Variants in CCSER1 observed in about 807,000 individuals in gnomAD.
CCSER1 encodes serine-rich coiled-coil domain-containing protein 1.
A neutral mutation model predicts 82.0 loss-of-function variants in CCSER1; 41 were observed. That is an observed-to-expected ratio of 0.50 (90% CI 0.39 to 0.65). The LOEUF (loss-of-function observed/expected upper bound fraction) is 0.65. Ranked by LOEUF, CCSER1 falls within the 30% of genes least tolerant of loss-of-function variation. CCSER1 has a pLI of 0.00. For synonymous variants in CCSER1, 414 were observed against 383.9 expected, an observed-to-expected ratio of 1.08 and a Z score of -0.92; for missense variants, 1,119 against 1,064.2, an observed-to-expected ratio of 1.05 and a Z score of -0.72.
At chr4:90,405,487 A>C (rs758778708) in intron 4 of CCSER1, among the ~76,000 whole-genome samples, 1 of 152,198 alleles carries the variant, frequency 6.6e-6, no homozygotes, top group Non-Finnish European at 1.5e-5. Context: ...AGACCTATAC[A>C]TCTAAATTCA....
At chr4:90,941,329 A>G (rs1731554140) in intron 9 of CCSER1, among the ~76,000 whole-genome samples, 1 of 152,064 alleles carries the variant, frequency 6.6e-6, no homozygotes, top group African/African-American at 2.4e-5. Context: ...ACATATAGCT[A>G]TGTTTTAAAT....
At chr4:90,956,776 T>C (rs1254468398) in intron 9 of CCSER1, among the ~76,000 whole-genome samples, 2 of 151,468 alleles carry the variant, frequency 1.3e-5, no homozygotes, top group Non-Finnish European at 2.9e-5. Context: ...CTTTTTTTTT[T>C]TTTTTTCTTT....
chr4:90,947,346 C>A (rs1158545193), intron 9 of CCSER1, among the ~76,000 whole-genome samples: 1 of 152,072 alleles, frequency 6.6e-6, no homozygotes, highest in Non-Finnish European at 1.5e-5. Context: ...TCATGTTTTT[C>A]AGAAAAATGT....
intron 7 of CCSER1, among the ~76,000 whole-genome samples, chr4:90,741,401 G>A (rs1580246862): frequency 6.6e-6 from 1 of 152,090 alleles, no homozygotes; most frequent in Non-Finnish European, 1.5e-5. Flanking sequence ...AACACCTGTT[G>A]CTCTCAATAA....
chr4:90,941,459 A>G (rs950014446), intron 9 of CCSER1, among the ~76,000 whole-genome samples: 2 of 152,102 alleles, frequency 1.3e-5, no homozygotes, highest in African/African-American at 2.4e-5. Context: ...TCCAAATTGT[A>G]TCATTTTCCT....
intron 5 of CCSER1, among the ~76,000 whole-genome samples, chr4:90,500,120 A>G (rs766450512): frequency 3.9e-5 from 6 of 152,052 alleles, no homozygotes; most frequent in Non-Finnish European, 8.8e-5. Flanking sequence ...TGAAGGGCAT[A>G]TTATTCTTTT....
intron 7 of CCSER1, among the ~76,000 whole-genome samples, chr4:90,786,296 A>G (rs1754511042): frequency 6.6e-6 from 1 of 152,228 alleles, no homozygotes; most frequent in African/African-American, 2.4e-5. Context: ...TGTTCAAGAT[A>G]TACAAATGAA....
intron 5 of CCSER1, among the ~76,000 whole-genome samples, chr4:90,487,632 T>C (rs1198735762): frequency 1.3e-5 from 2 of 152,190 alleles, no homozygotes; most frequent in African/African-American, 2.4e-5. Context: ...AATGAATATT[T>C]AATCTAGTGT....
At chr4:91,487,635 A>G (rs1387646123) in intron 10 of CCSER1, among the ~76,000 whole-genome samples, 1 of 152,138 alleles carries the variant, frequency 6.6e-6, no homozygotes, top group Non-Finnish European at 1.5e-5. Flanking sequence ...AGAGCCATAT[A>G]GTTGCTTAAT....
At chr4:90,309,643 A>C in intron 2 of CCSER1, 35 bp downstream of exon 2, 1 of 1,454,806 alleles carries the variant, frequency 6.9e-7, no homozygotes, top group Non-Finnish European at 9.2e-7. Context: ...AAATGATATG[A>C]ATTAATTTTC....
At chr4:90,817,079 T>C (rs1338322929) in intron 8 of CCSER1, among the ~76,000 whole-genome samples, 2 of 152,142 alleles carry the variant, frequency 1.3e-5, no homozygotes, top group East Asian at 3.8e-4. Context: ...AAGTAACATA[T>C]TGTAGTGTCA....
At chr4:90,465,252 G>A (rs956907644) in intron 4 of CCSER1, among the ~76,000 whole-genome samples, 3 of 151,394 alleles carry the variant, frequency 2.0e-5, no homozygotes, top group Non-Finnish European at 2.9e-5. Context: ...GTGAACCACC[G>A]CCTCTGCCTC....
chr4:91,095,540 T>C (rs1249849619), intron 10 of CCSER1, among the ~76,000 whole-genome samples: 1 of 152,178 alleles, frequency 6.6e-6, no homozygotes, highest in East Asian at 1.9e-4. Flanking sequence ...TATTCATCTC[T>C]GCAAAAACAG....
intron 1 of CCSER1, among the ~76,000 whole-genome samples, chr4:90,153,943 G>T (rs1201659843): frequency 6.6e-6 from 1 of 152,126 alleles, no homozygotes; most frequent in Non-Finnish European, 1.5e-5. Context: ...TAGACATGAA[G>T]TCCTTGCCCA....
chr4:91,170,198 GA>G (rs1732607395), intron 10 of CCSER1, among the ~76,000 whole-genome samples: 1 of 152,010 alleles, frequency 6.6e-6, no homozygotes, highest in African/African-American at 2.4e-5. Flanking sequence ...TTATGTAAGA[GA>G]AAAAAATACC....
At chr4:90,918,245 A>G (rs1220809035) in intron 8 of CCSER1, 1 of 455,722 alleles carries the variant, frequency 2.2e-6, no homozygotes, top group Admixed American at 2.4e-5. Flanking sequence ...AAAGCAAACT[A>G]CTACACGTAG....
At chr4:91,351,351 A>G (rs1280704099) in intron 10 of CCSER1, among the ~76,000 whole-genome samples, 1 of 152,090 alleles carries the variant, frequency 6.6e-6, no homozygotes, top group Admixed American at 6.5e-5. Context: ...CAGAGATGAA[A>G]TAATCCTAAT....
intron 10 of CCSER1, among the ~76,000 whole-genome samples, chr4:91,365,619 A>G (rs879341954): frequency 2.0e-5 from 3 of 152,334 alleles, no homozygotes; most frequent in Admixed American, 2.0e-4. Context: ...ATAAAGGAAT[A>G]TTAATTTGAT....
At position 90,790,708 on chromosome 4, in the gene CCSER1, T is replaced by A. The variant is rs1012881626; in HGVS notation, c.2011-25054T>A. On this transcript the variant is annotated intron_variant, in intron 7 of 10. Coordinates refer to ENST00000509176, the MANE Select transcript of CCSER1 (RefSeq NM_001145065.2). ...GCTTGCACTTCATTGTCCAGATCAC[T>A]ATCAGCATTTTGGTCAAAGTCATTC... is the stretch of plus-strand genomic sequence containing the variant. Among the ~76,000 whole-genome samples the A allele has an allele frequency of 3.9e-5, 6 of 152,208 alleles. No individual in the cohort carries two copies. In the East Asian group the frequency reaches 9.6e-4, roughly 24 times the overall value.
Sources: allele counts gnomAD v4.1 joint callset (sites outside exome capture counted in the v4.1 genomes callset), GRCh38; gene constraint gnomAD v4.1.1; transcripts MANE v1.5; gene names NCBI Gene and HGNC (gene_info 2026-07-23, HGNC 2026-07-21).